The following ANKRD11 variants were observed in gnomAD, a reference collection of about 807,000 sequenced individuals.
The protein encoded by ANKRD11 is ankyrin repeat domain 11.
Under a neutral mutation model 195.7 loss-of-function variants are expected in ANKRD11, and 17 were observed. The ratio of observed to expected loss-of-function variants is 0.09; its 90% CI spans 0.06 to 0.13. ANKRD11 has a LOEUF of 0.13. Ranked by LOEUF, ANKRD11 falls within the 10% of genes least tolerant of loss-of-function variation. ANKRD11 has a pLI of 1.00. For synonymous variants in ANKRD11, 1,953 were observed against 1,528.1 expected (o/e 1.28, Z -6.49); for missense variants, 3,735 against 3,566.1 (o/e 1.05, Z -1.21).
intron 2 of ANKRD11, chr16:89,323,341 A>T: frequency 7.8e-7 from 1 of 1,288,638 alleles, no homozygotes; most frequent in Non-Finnish European, 1.0e-6. Flanking sequence ...CAGGTATGGA[A>T]GAGAAGCACC....
chr16:89,278,980 T>G, intron 9 of ANKRD11, 92 bp downstream of exon 9: 1 of 1,554,206 alleles, frequency 6.4e-7, no homozygotes, highest in Non-Finnish European at 8.7e-7. Flanking sequence ...GGGCCATGAG[T>G]GGGACAAGAC....
At chr16:89,428,494 C>A (rs530563137) in intron 1 of ANKRD11, among the ~76,000 whole-genome samples, 1 of 150,250 alleles carries the variant, frequency 6.7e-6, no homozygotes, top group South Asian at 2.1e-4. Context: ...CCCTACACTC[C>A]AGCCTGGGTG....
chr16:89,286,528 C>G, intron 7 of ANKRD11: 1 of 579,794 alleles, frequency 1.7e-6, no homozygotes, highest in Non-Finnish European at 2.6e-6. Context: ...CACGAAGGCT[C>G]TCCCCTCCCG....
chr16:89,310,197 ACTGT>A (rs2036532293), intron 3 of ANKRD11, among the ~76,000 whole-genome samples: 2 of 152,226 alleles, frequency 1.3e-5, no homozygotes, highest in African/African-American at 4.8e-5. Flanking sequence ...TGGTATCCAA[ACTGT>A]CTATGTGCGG....
intron 2 of ANKRD11, among the ~76,000 whole-genome samples, chr16:89,409,709 C>G (rs1175845105): frequency 6.6e-6 from 1 of 152,178 alleles, no homozygotes; most frequent in Non-Finnish European, 1.5e-5. Flanking sequence ...CATTACAACA[C>G]TGAAGTTTAG....
At chr16:89,394,826 A>C (rs1235044111) in intron 2 of ANKRD11, among the ~76,000 whole-genome samples, 2 of 152,104 alleles carry the variant, frequency 1.3e-5, no homozygotes, top group Non-Finnish European at 2.9e-5. Flanking sequence ...GAGGTTATTG[A>C]GTTATTTTTC....
In ANKRD11 at chr16:89,280,891, GAGA is replaced by G. The variant is rs1267985680; in HGVS notation, c.5648_5650del (p.Phe1883del). The stretch of plus-strand genomic sequence containing the variant: ...AGGGGAAGGTTTTGCTTGTAAACTT[GAGA>G]AGACGCCCTCTGGAGACGGGGTGAC... On this transcript the variant is annotated inframe_deletion, in exon 9 of 13. Coordinates refer to ENST00000301030, the MANE Select transcript of ANKRD11 (RefSeq NM_013275.6). 6.2e-7 allele frequency: 1 copy of G among 1,604,246 alleles called. No individual in the cohort carries two copies. Among genetic ancestry groups the G allele is most frequent in the East Asian group, 2.2e-5 (1 of 44,610 alleles).
At chr16:89,274,503 G>C (rs147391237) in intron 11 of ANKRD11, among the ~76,000 whole-genome samples, 1 of 152,326 alleles carries the variant, frequency 6.6e-6, no homozygotes, top group Non-Finnish European at 1.5e-5. Context: ...GCTGACACCC[G>C]TGAGAGGTAG....
In ANKRD11 at chr16:89,281,964, G is replaced by C; in HGVS notation, c.4578C>G (p.Gly1526=). The change falls in exon 9 of 13, where the codon GGC becomes GGG. Residue 1526 remains glycine, a synonymous_variant. Coordinates refer to ENST00000301030, the MANE Select transcript of ANKRD11 (RefSeq NM_013275.6). This position sits in a 1 kb window ranked among gnomAD's most constrained non-coding sequence, Gnocchi z 5.5. ...TGAATTTCTCCTTCAGTTTGGCATC[G>C]CCGAGCCTCGGGCCCTCGTCCCTGG... ...DKSRDEGPRL[G]DAKLKEKFKD... The C allele has an allele frequency of 6.2e-7, 1 of 1,612,610 alleles. No individual in the cohort carries two copies.
Position 89,443,088 on chromosome 16 carries a change from G to GC in ANKRD11, c.-144-24721dup, listed in dbSNP as rs2043600794. Among the ~76,000 whole-genome samples the GC allele has an allele frequency of 2.0e-5, 3 of 152,210 alleles. No homozygotes were observed. In the South Asian group the frequency reaches 6.2e-4, roughly 32 times the overall value. On this transcript the variant is annotated intron_variant, in intron 1 of 12. Transcript: ENST00000301030. ...GCTCACTGCGACCTCTGCCTCCCAG[G>GC]CCCAAGCAATTCTCCTGCCTCAGCC...
intron 1 of ANKRD11, among the ~76,000 whole-genome samples, chr16:89,425,791 C>T (rs754655396): frequency 3.9e-5 from 6 of 152,140 alleles, no homozygotes; most frequent in East Asian, 1.9e-4. Flanking sequence ...AAGGCAACTA[C>T]GCAAACTTCA....
chr16:89,350,997 C>T (rs934870091), intron 2 of ANKRD11, among the ~76,000 whole-genome samples: 24 of 152,332 alleles, frequency 1.6e-4, no homozygotes, highest in African/African-American at 5.8e-4. Context: ...GGTACGCACA[C>T]TCTGTGATGC....
At chr16:89,317,487 A>AC (rs2037035203) in intron 2 of ANKRD11, among the ~76,000 whole-genome samples, 2 of 152,240 alleles carry the variant, frequency 1.3e-5, no homozygotes, top group South Asian at 4.1e-4. Context: ...GCAGCGCAGT[A>AC]CCCCAGCCCT....
At chr16:89,334,159 A>C (rs1259551203) in intron 2 of ANKRD11, among the ~76,000 whole-genome samples, 1 of 141,160 alleles carries the variant, frequency 7.1e-6, no homozygotes. Flanking sequence ...AAAAAAAAAA[A>C]AAAAAAAAAA....
At chr16:89,405,792 T>C (rs1445376319) in intron 2 of ANKRD11, among the ~76,000 whole-genome samples, 1 of 152,070 alleles carries the variant, frequency 6.6e-6, no homozygotes, top group East Asian at 1.9e-4. Context: ...TCCTCACACC[T>C]TCCCCCAGCG....
chr16:89,305,737 C>T (rs2036169750), intron 3 of ANKRD11, among the ~76,000 whole-genome samples: 2 of 139,068 alleles, frequency 1.4e-5, no homozygotes, highest in African/African-American at 5.7e-5. Flanking sequence ...CGCAGACACG[C>T]GCCACCTACC....
At chr16:89,441,793 A>AAAC (rs1555581853) in intron 1 of ANKRD11, among the ~76,000 whole-genome samples, 2 of 141,848 alleles carry the variant, frequency 1.4e-5, no homozygotes, top group African/African-American at 5.3e-5. Context: ...AAAAAAAAAA[A>AAAC]CGCAAACCTG....
chr16:89,372,350 C>A (rs574420412), intron 2 of ANKRD11, among the ~76,000 whole-genome samples: 25 of 152,222 alleles, frequency 1.6e-4, no homozygotes, highest in African/African-American at 6.0e-4. Flanking sequence ...CAGGGCCTGC[C>A]GCCGGTGTGG....
intron 4 of ANKRD11, chr16:89,299,325 T>G: frequency 4.2e-6 from 1 of 240,638 alleles, no homozygotes; most frequent in Admixed American, 5.4e-5. Flanking sequence ...CTGCGTGGGA[T>G]CCCTGCCCTG....
Sources: gnomAD v4.1 joint callset for allele counts (sites outside exome capture counted in the v4.1 genomes callset) on GRCh38, gnomAD v4.1.1 for gene constraint, Gnocchi (gnomAD v3.1) non-coding constraint, MANE v1.5 for transcripts, NCBI Gene and HGNC (gene_info 2026-07-23, HGNC 2026-07-21) for gene names.